TIMM23: variants seen among roughly 807,000 people sequenced by gnomAD.
TIMM23 encodes the protein mitochondrial import inner membrane translocase subunit Tim23.
Under a neutral mutation model 30.7 loss-of-function variants are expected in TIMM23, and 19 were observed. The observed-to-expected ratio is 0.62, with a 90% confidence interval of 0.43 to 0.91. The LOEUF (loss-of-function observed/expected upper bound fraction) is 0.91, where lower values mean the gene tolerates loss of function less well. Ranked by LOEUF, TIMM23 falls within the 40% of genes least tolerant of loss-of-function variation. The pLI, the probability that TIMM23 is intolerant of heterozygous loss-of-function variation, is 0.00. For missense variants in TIMM23, 202 were observed against 269.2 expected (o/e 0.75, Z 1.75); for synonymous variants, 78 against 98.5 (o/e 0.79, Z 1.23).
chr10:45,975,266 G>A (rs140192156), intron 1 of TIMM23, among the ~76,000 whole-genome samples, 188 bp from the exon 2 acceptor site: 4,994 of 152,184 alleles, frequency 0.033, 250 homozygotes, highest in African/African-American at 0.11. Flanking sequence ...ACCTGGTTTG[G>A]GATTGAGGGT....
chr10:45,982,879 T>C lies in TIMM23; in HGVS notation c.293T>C (p.Leu98Pro). ...TTTGGTGCAATGAATGGTCTTCGGC[T>C]AGGATTGAAGGAAACCCAGAACATG... ...AAFGAMNGLR[L>P]GLKETQNMAW... Residue 98 changes from leucine to proline, a missense_variant, in exon 4 of 7, where the codon CTA (leucine) becomes CCA (proline). Leu to Pro is a moderately conservative substitution (Grantham distance 98). Transcript: ENST00000580018. 6.2e-7 allele frequency: 1 copy of C among 1,613,942 alleles called. No homozygotes were observed. Among genetic ancestry groups the C allele is most frequent in the East Asian group, 2.2e-5 (1 of 44,882 alleles).
At chr10:45,991,379 T>A (rs1325612490) in intron 6 of TIMM23, among the ~76,000 whole-genome samples, 1 of 152,128 alleles carries the variant, frequency 6.6e-6, no homozygotes, top group Non-Finnish European at 1.5e-5. Flanking sequence ...TAAAATAGAT[T>A]GGAGGTAGAA....
At chr10:45,991,756 AAAAAAAGAAAAG>A (rs1838168666) in intron 6 of TIMM23, among the ~76,000 whole-genome samples, 1 of 151,866 alleles carries the variant, frequency 6.6e-6, no homozygotes, top group South Asian at 2.1e-4. Context: ...TGTCTCAAAA[AAAAAAAGAAAAG>A]AAAAAAGAAA....
chr10:45,994,916 C>T (rs1465055480), intron 6 of TIMM23, among the ~76,000 whole-genome samples: 2 of 152,000 alleles, frequency 1.3e-5, no homozygotes, highest in Non-Finnish European at 2.9e-5. Flanking sequence ...TTTGTATTCC[C>T]ACCACACAAA....
intron 6 of TIMM23, among the ~76,000 whole-genome samples, chr10:46,000,212 G>T (rs1291212556): frequency 2.0e-5 from 3 of 152,214 alleles, no homozygotes; most frequent in Non-Finnish European, 4.4e-5. Flanking sequence ...AATCACAAGG[G>T]TATTGATTGG....
intron 1 of TIMM23, among the ~76,000 whole-genome samples, chr10:45,974,400 G>T (rs1480395782): frequency 6.6e-6 from 1 of 152,156 alleles, no homozygotes; most frequent in Non-Finnish European, 1.5e-5. Flanking sequence ...AAATGCTTGG[G>T]AGGCAAGTAT....
In TIMM23 at chr10:45,972,677, T is replaced by G; in HGVS notation, c.53T>G (p.Phe18Cys). The change falls in exon 1 of 7, where the codon TTT becomes TGT. Residue 18 changes from phenylalanine (F) to cysteine (C), a missense_variant. By Grantham distance (205) the Phe-to-Cys change is radical (BLOSUM62 -2). Coordinates refer to ENST00000580018, the MANE Select transcript of TIMM23 (RefSeq NM_006327.4). ...AAAACCACAGGGGGATTGGCCGGCT[T>G]TTTCGGAGCCGGCGGAGCAGGTTAC... ...GNKTTGGLAG[F>C]FGAGGAGYSH... The G allele has an allele frequency of 6.2e-7, 1 of 1,613,968 alleles. No homozygotes were observed. The highest frequency in any genetic ancestry group is 8.5e-7 in the Non-Finnish European group (1 of 1,179,852).
chr10:45,973,392 C>G (rs1837559390), intron 1 of TIMM23, among the ~76,000 whole-genome samples: 1 of 152,198 alleles, frequency 6.6e-6, no homozygotes, highest in Non-Finnish European at 1.5e-5. Context: ...TACTTTGTAA[C>G]TGTGGTTGTT....
chr10:45,994,461 C>T (rs1838266889), intron 6 of TIMM23, among the ~76,000 whole-genome samples: 1 of 129,632 alleles, frequency 7.7e-6, no homozygotes, highest in Non-Finnish European at 1.6e-5. Flanking sequence ...TTGAGCCCTT[C>T]CTTTTTTTTT....
rs1838099455 is a variant in TIMM23, at chr10:45,989,715, G to A, written c.514+868G>A. 4.6e-5 allele frequency among the ~76,000 whole-genome samples: 7 copies of A among 152,288 alleles called. No homozygotes were observed. In the South Asian group the frequency reaches 1.4e-3, roughly 32 times the overall value. On this transcript the variant is annotated intron_variant, in intron 6 of 6. Coordinates refer to ENST00000580018, the MANE Select transcript of TIMM23 (RefSeq NM_006327.4). ...AGACACACACAAGGTCAAAGCCCAGGAATGGCTTCCCTGTAAGTCAATTTA... is the reference window on the plus strand; with the variant it reads ...AGACACACACAAGGTCAAAGCCCAGAAATGGCTTCCCTGTAAGTCAATTTA...
At chr10:45,993,327 C>T (rs1191617500) in intron 6 of TIMM23, among the ~76,000 whole-genome samples, 24 of 150,048 alleles carry the variant, frequency 1.6e-4, no homozygotes, top group Admixed American at 4.0e-4. Context: ...CTCACAGCAC[C>T]CTCTGCCTCC....
intron 2 of TIMM23, among the ~76,000 whole-genome samples, chr10:45,979,606 CTTTTTTTTTTTT>C (rs1171770886): frequency 8.5e-4 from 46 of 54,410 alleles, no homozygotes; most frequent in Admixed American, 2.4e-3. Context: ...CATGCCTGGC[CTTTTTTTTTTTT>C]TTTTTTTTTT....
At chr10:45,981,442 A>G (rs2132253023) in intron 2 of TIMM23, among the ~76,000 whole-genome samples, 1 of 151,840 alleles carries the variant, frequency 6.6e-6, no homozygotes, top group East Asian at 1.9e-4. Flanking sequence ...AAAACTCTAT[A>G]CAATTATATT....
At chr10:45,974,992 T>C (rs2132239458) in intron 1 of TIMM23, among the ~76,000 whole-genome samples, 1 of 151,976 alleles carries the variant, frequency 6.6e-6, no homozygotes, top group East Asian at 1.9e-4. Flanking sequence ...TTAATAGTAA[T>C]ATGTGAAGGA....
In TIMM23 at chr10:45,972,659, C is replaced by T; in HGVS notation, c.35C>T (p.Thr12Ile). The change falls in exon 1 of 7, where the codon ACA becomes ATA. Residue 12 changes from threonine (T) to isoleucine (I), a missense_variant. By Grantham distance (89) the Thr-to-Ile change is moderately conservative (BLOSUM62 -1). Transcript: ENST00000580018. ...EGGGGSGNKT[T>I]GGLAGFFGAG... ...GGCGGGGGAAGCGGCAACAAAACCA[C>T]AGGGGGATTGGCCGGCTTTTTCGGA... 1.2e-6 allele frequency: 2 copies of T among 1,613,994 alleles called. No individual in the cohort carries two copies. The highest frequency in any genetic ancestry group is 1.7e-6 in the Non-Finnish European group (2 of 1,179,878).
chr10:45,991,602 T>C (rs1189190060), intron 6 of TIMM23, among the ~76,000 whole-genome samples: 2 of 151,878 alleles, frequency 1.3e-5, no homozygotes, highest in African/African-American at 4.8e-5. Flanking sequence ...AAATACAAAA[T>C]TAGCCAGGTG....
chr10:45,983,207 A>G (rs1389115741), intron 4 of TIMM23, among the ~76,000 whole-genome samples: 9 of 152,186 alleles, frequency 5.9e-5, no homozygotes, highest in Non-Finnish European at 1.0e-4. Context: ...CTCCAACCCT[A>G]TGTGACTTGC....
At chr10:45,988,459 G>C (rs1195503583) in intron 5 of TIMM23, among the ~76,000 whole-genome samples, 1 of 152,198 alleles carries the variant, frequency 6.6e-6, no homozygotes, top group African/African-American at 2.4e-5. Context: ...AGGAGGGCAG[G>C]AGAAGGTCAG....
chr10:45,981,486 C>T (rs1480354461), intron 2 of TIMM23, among the ~76,000 whole-genome samples: 1 of 151,434 alleles, frequency 6.6e-6, no homozygotes, highest in African/African-American at 2.4e-5. Flanking sequence ...TTATTATTGC[C>T]CAACAGACCA....
Sources: gnomAD v4.1 joint callset for allele counts (sites outside exome capture counted in the v4.1 genomes callset) on GRCh38, gnomAD v4.1.1 for gene constraint, MANE v1.5 for transcripts, NCBI Gene and HGNC (gene_info 2026-07-23, HGNC 2026-07-21) for gene names.